DNAH11: variants seen among roughly 807,000 people sequenced by gnomAD.
DNAH11 encodes dynein axonemal heavy chain 11.
DNAH11 carries 442 observed loss-of-function variants against 526.0 expected under a neutral mutation model. The observed-to-expected ratio is 0.84, with a 90% CI of 0.78 to 0.91. The LOEUF (loss-of-function observed/expected upper bound fraction) is 0.91. Among genes scored for constraint, DNAH11 ranks in the 40% least tolerant of loss-of-function variants. DNAH11 has a pLI of 0.00. For missense variants in DNAH11, 6,989 were observed against 5,448.7 expected (o/e 1.28, Z -8.90); for synonymous variants, 2,461 against 1,935.9 (o/e 1.27, Z -7.12).
chr7:21,591,076 T>C, intron 13 of DNAH11, 54 bp downstream of exon 13: 1 of 1,374,788 alleles, frequency 7.3e-7, no homozygotes, highest in Non-Finnish European at 9.5e-7. Context: ...AATATAAATA[T>C]TTTGAATTTT....
intron 62 of DNAH11, among the ~76,000 whole-genome samples, chr7:21,804,069 C>T (rs1378103093): frequency 6.8e-6 from 1 of 146,342 alleles, no homozygotes; most frequent in Non-Finnish European, 1.5e-5. Context: ...AGCCTCATTT[C>T]TTGTAGTAGT....
chr7:21,874,085 C>T lies in DNAH11; in HGVS notation c.12195+584C>T, dbSNP rs150159866. On this transcript the variant is annotated intron_variant, in intron 74 of 81. Transcript: ENST00000409508. ...GGATTACAGACATGAGCCACCGCGCCTGGCCGGAACTTGCTTCTTGAAAAC... is the reference window on the plus strand; with the variant it reads ...GGATTACAGACATGAGCCACCGCGCTTGGCCGGAACTTGCTTCTTGAAAAC... 5.6e-3 allele frequency among the ~76,000 whole-genome samples: 848 copies of T among 151,960 alleles called. 7 individuals are homozygous for T. The highest frequency in any genetic ancestry group is 0.02 in the African/African-American group (810 of 41,422).
chr7:21,568,772 C>G (rs7788355), intron 6 of DNAH11, among the ~76,000 whole-genome samples: 26,710 of 152,088 alleles, frequency 0.18, 2,403 homozygotes, highest in Middle Eastern at 0.25. Flanking sequence ...GAAAGGGCCA[C>G]TCGAGCAAAA....
At chr7:21,614,963 C>T (rs763681651) in intron 20 of DNAH11, 151 bp from the exon 21 acceptor site, 111 of 884,594 alleles carry the variant, frequency 1.3e-4, no homozygotes, top group Non-Finnish European at 1.7e-4. Context: ...TCTTCTAAAA[C>T]CTACATTTTG....
intron 61 of DNAH11, among the ~76,000 whole-genome samples, chr7:21,798,069 T>A (rs977398596): frequency 1.3e-5 from 2 of 152,156 alleles, no homozygotes; most frequent in Non-Finnish European, 2.9e-5. Flanking sequence ...ACCACCAGGG[T>A]CAGTAAGAGG....
chr7:21,768,915 A>G (rs1316618044), intron 55 of DNAH11, among the ~76,000 whole-genome samples: 2 of 152,202 alleles, frequency 1.3e-5, no homozygotes, highest in African/African-American at 4.8e-5. Context: ...ACAGTTCTTT[A>G]TTTGAAATAT....
At chr7:21,780,856 C>T (rs554626596) in intron 57 of DNAH11, among the ~76,000 whole-genome samples, 1 of 152,212 alleles carries the variant, frequency 6.6e-6, no homozygotes, top group African/African-American at 2.4e-5. Flanking sequence ...GGATATTTGA[C>T]AAGCAGGGGT....
intron 28 of DNAH11, among the ~76,000 whole-genome samples, chr7:21,646,849 G>A (rs1241693049): frequency 6.6e-6 from 1 of 151,992 alleles, no homozygotes; most frequent in African/African-American, 2.4e-5. Context: ...TTTATGCCAG[G>A]AAAAAAATCT....
At chr7:21,716,899 G>C (rs987281809) in intron 42 of DNAH11, among the ~76,000 whole-genome samples, 3 of 152,094 alleles carry the variant, frequency 2.0e-5, no homozygotes, top group Admixed American at 6.6e-5. Flanking sequence ...AAAGTGAAAG[G>C]AGCCGTTTGT....
In DNAH11 at chr7:21,759,822, G is replaced by A. The variant is rs76344251; in HGVS notation, c.8941-5606G>A. On this transcript the variant is annotated intron_variant, in intron 54 of 81. Coordinates refer to ENST00000409508, the MANE Select transcript of DNAH11 (RefSeq NM_001277115.2). The stretch of plus-strand genomic sequence containing the variant: ...AAAAGAAACGAAAACATATTACAAA[G>A]CACAGGGAAAAGTGGACTCCTGCAA... Among the ~76,000 whole-genome samples the A allele has an allele frequency of 4.5e-4, 69 of 152,254 alleles. 1 individual carries two copies. The East Asian group carries it at 0.012, about 27-fold the overall frequency.
At chr7:21,818,183 C>A in intron 64 of DNAH11, 34 bp from the exon 65 acceptor site, 9 of 1,590,444 alleles carry the variant, frequency 5.7e-6, no homozygotes, top group Non-Finnish European at 6.8e-6. Flanking sequence ...TGCCAATTTA[C>A]ATTTTATTAT....
At position 21,854,328 on chromosome 7, in the gene DNAH11, A is replaced by T; in HGVS notation, c.11075A>T (p.Lys3692Ile). The change falls in exon 68 of 82, where the codon AAA (lysine) becomes ATA (isoleucine). Residue 3692 changes from lysine to isoleucine, a missense_variant. Lys to Ile is a moderately radical substitution (Grantham distance 102). Coordinates refer to ENST00000409508, the MANE Select transcript of DNAH11 (RefSeq NM_001277115.2). ...ATCCCACCATAGGTGATTGAAGCCA[A>T]AGAAAATGAAAGAAAAATCAACGAG... Reference protein sequence around the residue: ...AEIEHKVIEAKENERKINEAR... With the variant: ...AEIEHKVIEAIENERKINEAR... 2 of 1,613,810 alleles carry T rather than the reference A, an allele frequency of 1.2e-6. No individual in the cohort carries two copies. Among genetic ancestry groups the T allele is most frequent in the South Asian group, 2.2e-5 (2 of 91,036 alleles).
In DNAH11 at chr7:21,760,026, G is replaced by A. The variant is rs916438096; in HGVS notation, c.8941-5402G>A. Among the ~76,000 whole-genome samples, 6 of 149,582 alleles carry A rather than the reference G, an allele frequency of 4.0e-5. No individual in the cohort carries two copies. The South Asian group carries it at 6.4e-4, about 16-fold the overall frequency. On this transcript the variant is annotated intron_variant, in intron 54 of 81. Coordinates refer to ENST00000409508, the MANE Select transcript of DNAH11 (RefSeq NM_001277115.2). ...AGAAAAGAGCACAGCTGCCAGAGGC[G>A]TTTTTAACTTTATTTTTTCACGGAC...
At chr7:21,590,375 A>T (rs1348692977) in intron 12 of DNAH11, among the ~76,000 whole-genome samples, 1 of 152,188 alleles carries the variant, frequency 6.6e-6, no homozygotes, top group Non-Finnish European at 1.5e-5. Flanking sequence ...AAGAATATCT[A>T]TTTGTAATTT....
intron 30 of DNAH11, among the ~76,000 whole-genome samples, chr7:21,666,420 T>G (rs891807292): frequency 2.0e-5 from 3 of 152,108 alleles, no homozygotes; most frequent in Non-Finnish European, 4.4e-5. Flanking sequence ...AAAAGAGAGA[T>G]AGAAGTGTTT....
chr7:21,716,752 T>G (rs1784681167), intron 42 of DNAH11, among the ~76,000 whole-genome samples: 1 of 152,226 alleles, frequency 6.6e-6, no homozygotes, highest in African/African-American at 2.4e-5. Context: ...TCTATCAGGC[T>G]ACTCTTATGC....
At chr7:21,714,153 C>T (rs1784562729) in intron 42 of DNAH11, among the ~76,000 whole-genome samples, 1 of 152,182 alleles carries the variant, frequency 6.6e-6, no homozygotes, top group South Asian at 2.1e-4. Flanking sequence ...GTCCAAATCC[C>T]TAAAGAAGGA....
At chr7:21,696,274 C>G (rs1285080332) in intron 35 of DNAH11, among the ~76,000 whole-genome samples, 1 of 152,044 alleles carries the variant, frequency 6.6e-6, no homozygotes, top group Non-Finnish European at 1.5e-5. Flanking sequence ...GTATTTTCTT[C>G]TAATTTTTAT....
At chr7:21,620,783 C>T (rs1163256865) in intron 25 of DNAH11, among the ~76,000 whole-genome samples, 1 of 136,272 alleles carries the variant, frequency 7.3e-6, no homozygotes, top group Non-Finnish European at 1.5e-5. Context: ...TCTCATTGTT[C>T]AATTCCCACC....
Sources: gnomAD v4.1 joint callset for allele counts (sites outside exome capture counted in the v4.1 genomes callset) on GRCh38, gnomAD v4.1.1 for gene constraint, MANE v1.5 for transcripts, NCBI Gene and HGNC (gene_info 2026-07-23, HGNC 2026-07-21) for gene names.